Variants in PER3 observed in about 807,000 individuals in gnomAD.
PER3 encodes the protein period circadian protein homolog 3.
Under a neutral mutation model 127.2 loss-of-function variants are expected in PER3, and 107 were observed. The observed-to-expected ratio is 0.84, with a 90% CI of 0.72 to 0.99. The LOEUF is 0.99. Ranked by LOEUF, PER3 falls within the 50% of genes least tolerant of loss-of-function variation. The pLI is 0.00. For missense variants in PER3, 1,560 were observed against 1,525.8 expected, an observed-to-expected ratio of 1.02 and a Z score of -0.37; for synonymous variants, 618 against 585.8, an observed-to-expected ratio of 1.05 and a Z score of -0.79.
intron 13 of PER3, among the ~76,000 whole-genome samples, chr1:7,811,328 T>A (rs1253074421): frequency 6.6e-6 from 1 of 152,216 alleles, no homozygotes; most frequent in African/African-American, 2.4e-5. Flanking sequence ...AGGTCAATAA[T>A]GATAACAGCT....
In PER3 at chr1:7,829,859, G is replaced by GT; in HGVS notation, c.2913dup (p.Glu972Ter). On this transcript the variant is annotated frameshift_variant, in exon 19 of 22. Transcript: ENST00000377532. LOFTEE classifies it high-confidence loss of function. ...CAGTGTGTTACAGGCAACAATGGCA[G>GT]TGAGAGCAGTCCTGCTACTACCGGT... is the stretch of plus-strand genomic sequence containing the variant. The GT allele has an allele frequency of 6.2e-7, 1 of 1,614,080 alleles. No homozygotes were observed. Among genetic ancestry groups the GT allele is most frequent in the South Asian group, 1.1e-5 (1 of 91,090 alleles).
chr1:7,804,933 A>G (rs1438441259), intron 10 of PER3, among the ~76,000 whole-genome samples: 1 of 150,120 alleles, frequency 6.7e-6, no homozygotes, highest in Non-Finnish European at 1.5e-5. Context: ...CAGTGGCCTG[A>G]TCGCGGCTCA....
rs200722810 is a variant in PER3, at chr1:7,803,812, A to C, written c.1100A>C (p.Lys367Thr). ...AGCTTTGTGAATCCCTGGAGCCGGA[A>C]GATTTCTTTCATCATTGGTCGGCAT... ...WSSFVNPWSR[K>T]ISFIIGRHKV... Residue 367 changes from lysine (K) to threonine (T), a missense_variant, in exon 10 of 22, where the codon AAG becomes ACG. Coordinates refer to ENST00000377532, the MANE Select transcript of PER3 (RefSeq NM_001377275.1). 2.4e-5 allele frequency: 39 copies of C among 1,613,990 alleles called. No individual in the cohort carries two copies. The highest frequency in any genetic ancestry group is 3.1e-5 in the Non-Finnish European group (36 of 1,179,912).
chr1:7,824,190 A>G (rs971372123), intron 16 of PER3, among the ~76,000 whole-genome samples: 7 of 152,262 alleles, frequency 4.6e-5, no homozygotes, highest in Admixed American at 4.6e-4. Flanking sequence ...TCTCAAATCA[A>G]TGATCTAAAG....
intron 13 of PER3, among the ~76,000 whole-genome samples, chr1:7,813,339 CT>C (rs1264676545): frequency 1.3e-5 from 2 of 152,192 alleles, no homozygotes; most frequent in African/African-American, 4.8e-5. Flanking sequence ...TCACCCCAGA[CT>C]TAACAACAGA....
At position 7,801,107 on chromosome 1, in the gene PER3, C is replaced by G; in HGVS notation, c.794-6C>G. 1 of 1,564,264 alleles carries G rather than the reference C, an allele frequency of 6.4e-7. No individual in the cohort carries two copies. The highest frequency in any genetic ancestry group is 1.4e-5 in the African/African-American group (1 of 72,032). On this transcript the variant is annotated splice_region_variant and splice_polypyrimidine_tract_variant and intron_variant, in intron 7 of 21. Coordinates refer to ENST00000377532, the MANE Select transcript of PER3 (RefSeq NM_001377275.1). ...TTTAAATGGGTCTTTGTTTTTTTTT[C>G]CTTAGCTCCTCGGATCCCAGTGAAT...
At position 7,801,157 on chromosome 1, in the gene PER3, A is replaced by G; in HGVS notation, c.838A>G (p.Thr280Ala). Residue 280 changes from threonine (T) to alanine (A), a missense_variant, in exon 8 of 22, where the codon ACC becomes GCC. Thr to Ala is a moderately conservative substitution (Grantham distance 58, BLOSUM62 0). Coordinates refer to ENST00000377532, the MANE Select transcript of PER3 (RefSeq NM_001377275.1). ...VNKRIFTTTH[T>A]PGCVFLEVDE... is the part of the protein sequence containing the mutation. ...TAAAAGAATCTTCACCACCACACAC[A>G]CCCCAGGGTGTGTTTTTCTTGAAGT... The G allele has an allele frequency of 6.2e-7, 1 of 1,606,530 alleles. No individual in the cohort carries two copies. Among genetic ancestry groups the G allele is most frequent in the East Asian group, 2.2e-5 (1 of 44,726 alleles).
In PER3 at chr1:7,837,140, C is replaced by A. The variant is rs771801156; in HGVS notation, c.3540C>A (p.Ile1180=). 4 of 1,612,962 alleles carry A rather than the reference C, an allele frequency of 2.5e-6. No homozygotes were observed. Among genetic ancestry groups the A allele is most frequent in the Non-Finnish European group, 3.4e-6 (4 of 1,179,548 alleles). ...WIQSQTVTQE[I]DIQACVTCEN... ...AAAGCCAGACTGTCACTCAAGAAAT[C>A]GACATTCAAGTAAGCACAGTAATAA... is the stretch of plus-strand genomic sequence containing the variant. Residue 1180 remains isoleucine, a synonymous_variant, in exon 21 of 22, where the codon ATC becomes ATA. Transcript: ENST00000377532.
chr1:7,826,690 C>T lies in PER3; in HGVS notation c.2168C>T (p.Ala723Val), dbSNP rs150960403. Residue 723 changes from alanine (A) to valine (V), a missense_variant, in exon 17 of 22, where the codon GCT becomes GTT. Transcript: ENST00000377532. This position sits in a 1 kb window ranked among gnomAD's most constrained non-coding sequence, Gnocchi z 4.2. ...CTTCAGCAAGAAAGCAGGAGCAAAG[C>T]TAAATATTCATATTTTCAAGGTACG... ...SYLQQESRSK[A>V]KYSYFQGDST... is the part of the protein sequence containing the mutation. The T allele has an allele frequency of 1.7e-4, 267 of 1,600,520 alleles. 1 individual carries two copies. In the African/African-American group the frequency reaches 3.1e-3, roughly 19 times the overall value.
intron 2 of PER3, 149 bp downstream of exon 2, chr1:7,785,154 T>C (rs1019236189): frequency 2.3e-6 from 2 of 884,940 alleles, no homozygotes; most frequent in Non-Finnish European, 1.7e-6. Context: ...GATGAAGTGA[T>C]CCGTGACACT....
chr1:7,787,117 A>C (rs1462820655), intron 4 of PER3: 1 of 357,916 alleles, frequency 2.8e-6, no homozygotes, highest in Non-Finnish European at 4.7e-6. Context: ...ATTAAGAGAA[A>C]ACAAAAATTA....
intron 21 of PER3, among the ~76,000 whole-genome samples, chr1:7,838,965 T>G (rs1223577600): frequency 2.3e-5 from 3 of 130,440 alleles, no homozygotes; most frequent in Non-Finnish European, 5.5e-5. Flanking sequence ...AAGAAGGACT[T>G]ACTTGTGGCA....
At chr1:7,840,774 A>ATT (rs112147772) in intron 21 of PER3, among the ~76,000 whole-genome samples, 3 of 143,256 alleles carry the variant, frequency 2.1e-5, no homozygotes, top group Admixed American at 7.0e-5. Context: ...TGCCTGGCTA[A>ATT]TTTTTTTTTT....
chr1:7,825,099 A>G (rs1198521465), intron 16 of PER3, among the ~76,000 whole-genome samples: 4 of 151,638 alleles, frequency 2.6e-5, no homozygotes, highest in Non-Finnish European at 5.9e-5. Flanking sequence ...CAACTTGGCC[A>G]GAAGCAAAGC....
rs1053920096 is a variant in PER3, at chr1:7,823,992, A to G, written c.1958-2488A>G. Among the ~76,000 whole-genome samples the G allele has an allele frequency of 5.3e-5, 8 of 152,364 alleles. No homozygotes were observed. The East Asian group carries it at 9.6e-4, about 18-fold the overall frequency. ...TAAAAATCAGTAATAAGATATTTCA[A>G]CCCAAATGTTTATAAATCAGACAAC... On this transcript the variant is annotated intron_variant, in intron 16 of 21. Transcript: ENST00000377532.
chr1:7,792,884 A>G (rs1233075617), intron 5 of PER3, among the ~76,000 whole-genome samples: 1 of 152,212 alleles, frequency 6.6e-6, no homozygotes, highest in Non-Finnish European at 1.5e-5. Context: ...TCTAGCTTTC[A>G]GTGGTCCAGG....
At chr1:7,841,544 C>T (rs1286522969) in intron 21 of PER3, among the ~76,000 whole-genome samples, 1 of 152,104 alleles carries the variant, frequency 6.6e-6, no homozygotes, top group Non-Finnish European at 1.5e-5. Context: ...CACAGCTTAC[C>T]GTCTAAGCAT....
intron 18 of PER3, among the ~76,000 whole-genome samples, chr1:7,829,048 T>G (rs1283368312): frequency 6.6e-6 from 1 of 151,486 alleles, no homozygotes; most frequent in Non-Finnish European, 1.5e-5. Context: ...GGCTGGAACG[T>G]TTTTACTTCT....
intron 8 of PER3, among the ~76,000 whole-genome samples, chr1:7,802,658 G>A (rs988465876): frequency 2.0e-5 from 3 of 152,146 alleles, no homozygotes; most frequent in African/African-American, 7.2e-5. Context: ...TCTACGTTAC[G>A]ATGTGCTTTT....
Sources: gnomAD v4.1 joint callset for allele counts (sites outside exome capture counted in the v4.1 genomes callset) on GRCh38, gnomAD v4.1.1 for gene constraint, Gnocchi (gnomAD v3.1) non-coding constraint, MANE v1.5 for transcripts, NCBI Gene and HGNC (gene_info 2026-07-23, HGNC 2026-07-21) for gene names.